Variants in NFKB1 observed in about 807,000 individuals in gnomAD.
NFKB1 encodes the protein nuclear factor NF-kappa-B p105 subunit.
A neutral mutation model predicts 105.1 loss-of-function variants in NFKB1; 9 were observed. The observed-to-expected ratio is 0.09, with a 90% CI of 0.05 to 0.15. The LOEUF (loss-of-function observed/expected upper bound fraction) is 0.15. NFKB1 is among the 10% of genes least tolerant of loss of function. The pLI, the probability that NFKB1 is intolerant of heterozygous loss-of-function variation, is 1.00. For synonymous variants in NFKB1, 440 were observed against 442.2 expected, an observed-to-expected ratio of 1.00 and a Z score of 0.06; for missense variants, 830 against 1,203.7, an observed-to-expected ratio of 0.69 and a Z score of 4.59.
chr4:102,512,660 C>T (rs1428284389), intron 1 of NFKB1, among the ~76,000 whole-genome samples: 7 of 152,108 alleles, frequency 4.6e-5, no homozygotes, highest in Admixed American at 2.0e-4. Context: ...TATGTTAAAG[C>T]GTTTATCTGT....
rs181806515 is a variant in NFKB1, at chr4:102,533,098, C to A, written c.119-747C>A. 2.6e-5 allele frequency among the ~76,000 whole-genome samples: 4 copies of A among 152,164 alleles called. No individual in the cohort carries two copies. The East Asian group carries it at 5.8e-4, about 22-fold the overall frequency. On this transcript the variant is annotated intron_variant, in intron 3 of 23. Transcript: ENST00000226574. ...TTATTTTCAGTATTTTATAAAATGC[C>A]TGAGATGTTTTAGAACACAGTTTAT... is the stretch of plus-strand genomic sequence containing the variant.
intron 4 of NFKB1, among the ~76,000 whole-genome samples, chr4:102,536,460 C>T (rs1437492880): frequency 6.6e-6 from 1 of 152,146 alleles, no homozygotes; most frequent in East Asian, 1.9e-4. Flanking sequence ...TGTTTGAGGA[C>T]TGATCTTTGG....
At chr4:102,571,013 C>G (rs1005858851) in intron 6 of NFKB1, among the ~76,000 whole-genome samples, 20 of 152,146 alleles carry the variant, frequency 1.3e-4, no homozygotes, top group Admixed American at 1.2e-3. Context: ...CAAAAAAGAG[C>G]CTGCATTGCC....
rs961000754 is a variant in NFKB1, at chr4:102,607,503, A to G, written c.2125-146A>G. On this transcript the variant is annotated intron_variant, in intron 18 of 23. Transcript: ENST00000226574. ...CCCAACCCCCTTGCTTGGCATCTCT[A>G]ACTGGGGATTTCTTCAATGACAGAG... The G allele has an allele frequency of 5.5e-6, 6 of 1,099,214 alleles. No individual in the cohort carries two copies. In the African/African-American group the frequency reaches 9.3e-5, roughly 17 times the overall value. The allele number at this position is 1,099,214 out of a possible 1,614,324, so 68.1% of individuals were successfully genotyped here.
intron 13 of NFKB1, 73 bp from the exon 14 acceptor site, chr4:102,596,065 C>T: frequency 6.0e-6 from 6 of 1,000,640 alleles, no homozygotes; most frequent in South Asian, 5.1e-5. Context: ...TTTATCTGAC[C>T]TACATTGGAA....
At position 102,606,938 on chromosome 4, in the gene NFKB1, A is replaced by G. The variant is rs1212113696; in HGVS notation, c.1955-212A>G. Among the ~76,000 whole-genome samples the G allele has an allele frequency of 4.6e-5, 7 of 152,242 alleles. No homozygotes were observed. The East Asian group carries it at 1.3e-3, about 29-fold the overall frequency. Reference sequence around the variant, plus strand: ...AGTAAAGATTCATCTTGAAGTACACAAAGCGTCGTTTATTCAGAGAATGTT... The same window carrying G: ...AGTAAAGATTCATCTTGAAGTACACGAAGCGTCGTTTATTCAGAGAATGTT... On this transcript the variant is annotated intron_variant, in intron 17 of 23. Coordinates refer to ENST00000226574, the MANE Select transcript of NFKB1 (RefSeq NM_003998.4).
At chr4:102,597,448 G>T in intron 14 of NFKB1, 72 bp from the exon 15 acceptor site, 2 of 1,470,840 alleles carry the variant, frequency 1.4e-6, no homozygotes, top group Non-Finnish European at 1.8e-6. Flanking sequence ...TGGTCAGTTT[G>T]TCCTTAAGCA....
In NFKB1 at chr4:102,557,367, A is replaced by T. The variant is rs76781659; in HGVS notation, c.259-9620A>T. 8.9e-3 allele frequency among the ~76,000 whole-genome samples: 1,356 copies of T among 152,176 alleles called. 14 individuals carry two copies. The highest frequency in any genetic ancestry group is 0.03 in the African/African-American group (1,251 of 41,508). ...AGAAAGCAAGTAAAAAAGTTAAGTAACTCTCCCAGAGTCCCCCAGATGGTC... is the reference window on the plus strand; with the variant it reads ...AGAAAGCAAGTAAAAAAGTTAAGTATCTCTCCCAGAGTCCCCCAGATGGTC... On this transcript the variant is annotated intron_variant, in intron 5 of 23. Transcript: ENST00000226574.
chr4:102,612,847 C>G lies in NFKB1; in HGVS notation c.2592+241C>G, dbSNP rs970162417. Reference sequence around the variant, plus strand: ...CTGGAGACTTCCTGTGAAAATGCTACGTAGAGGGTCAGGATTTTCACAGAA... The same window carrying G: ...CTGGAGACTTCCTGTGAAAATGCTAGGTAGAGGGTCAGGATTTTCACAGAA... On this transcript the variant is annotated intron_variant, in intron 22 of 23. Coordinates refer to ENST00000226574, the MANE Select transcript of NFKB1 (RefSeq NM_003998.4). 7.2e-5 allele frequency among the ~76,000 whole-genome samples: 11 copies of G among 152,172 alleles called. No individual in the cohort carries two copies. The South Asian group carries it at 2.3e-3, about 32-fold the overall frequency.
chr4:102,568,040 G>T (rs942592327), intron 6 of NFKB1, among the ~76,000 whole-genome samples: 1 of 152,086 alleles, frequency 6.6e-6, no homozygotes, highest in Non-Finnish European at 1.5e-5. Context: ...AATAGTTTAT[G>T]CTGAAATCCC....
In NFKB1 at chr4:102,580,452, C is replaced by CTAAG. The variant is rs999483765; in HGVS notation, c.731-82_731-79dup. Reference sequence around the variant, plus strand: ...TTAAGCTTTGTTTTGGTCATGTGTGCTAAGGGGAGGGTCCTACCTAAAGGA... The same window carrying CTAAG: ...TTAAGCTTTGTTTTGGTCATGTGTGCTAAGTAAGGGGAGGGTCCTACCTAAAGGA... On this transcript the variant is annotated intron_variant, in intron 8 of 23. Transcript: ENST00000226574. The CTAAG allele has an allele frequency of 2.9e-5, 31 of 1,071,682 alleles. No homozygotes were observed. The African/African-American group carries it at 4.9e-4, about 17-fold the overall frequency. 66.4% of individuals were successfully genotyped at this position (1,071,682 alleles called of 1,614,324 possible). A position where few individuals can be genotyped will look rare whatever the true frequency, so the allele number is the denominator to read the frequency against.
chr4:102,610,442 T>G, intron 19 of NFKB1, 133 bp from the exon 20 acceptor site: 1 of 850,250 alleles, frequency 1.2e-6, no homozygotes, highest in Non-Finnish European at 1.8e-6. Flanking sequence ...AGAAATGTTT[T>G]ATGATTTAAA....
At chr4:102,526,924 G>A (rs973424270) in intron 2 of NFKB1, among the ~76,000 whole-genome samples, 13 of 67,206 alleles carry the variant, frequency 1.9e-4, no homozygotes, top group East Asian at 5.0e-4. Context: ...TCTCTTTTTC[G>A]TGTGTGTGTG....
chr4:102,581,352 C>T (rs1001409201), intron 9 of NFKB1, among the ~76,000 whole-genome samples: 4 of 151,776 alleles, frequency 2.6e-5, no homozygotes, highest in Admixed American at 2.6e-4. Flanking sequence ...AGATACCTAA[C>T]TGAAAATATA....
intron 1 of NFKB1, among the ~76,000 whole-genome samples, chr4:102,519,978 G>T (rs1255283937): frequency 6.6e-6 from 1 of 152,090 alleles, no homozygotes; most frequent in Non-Finnish European, 1.5e-5. Flanking sequence ...TGTTCATTAG[G>T]GTTTCTCATG....
rs535650319 is a variant in NFKB1 at position 102,516,330 on chromosome 4, A to T, written c.-7-9182A>T. Among the ~76,000 whole-genome samples, 11 of 149,796 alleles carry T rather than the reference A, an allele frequency of 7.3e-5. No homozygotes were observed. In the South Asian group the frequency reaches 2.3e-3, roughly 31 times the overall value. ...AAATTTATAAAAATTCTCAACTGTT[A>T]TTTTTTTGAATATTTTTTCTGTCTT... On this transcript the variant is annotated intron_variant, in intron 1 of 23. Coordinates refer to ENST00000226574, the MANE Select transcript of NFKB1 (RefSeq NM_003998.4).
At chr4:102,586,610 C>T (rs1725731985) in intron 11 of NFKB1, among the ~76,000 whole-genome samples, 1 of 152,202 alleles carries the variant, frequency 6.6e-6, no homozygotes, top group African/African-American at 2.4e-5. Flanking sequence ...ACTTTGATAT[C>T]ATCAGCTTCT....
intron 5 of NFKB1, among the ~76,000 whole-genome samples, chr4:102,546,242 T>G (rs904760004): frequency 6.6e-6 from 1 of 152,132 alleles, no homozygotes; most frequent in Admixed American, 6.6e-5. Flanking sequence ...TAAAGAAGAT[T>G]GGTTAACACC....
chr4:102,564,358 C>T (rs1363083980), intron 5 of NFKB1, among the ~76,000 whole-genome samples: 1 of 152,206 alleles, frequency 6.6e-6, no homozygotes, highest in Non-Finnish European at 1.5e-5. Flanking sequence ...TGTTAGAGTG[C>T]CAGTGTCTTC....
Sources: allele counts gnomAD v4.1 joint callset (sites outside exome capture counted in the v4.1 genomes callset), GRCh38; gene constraint gnomAD v4.1.1; transcripts MANE v1.5; gene names NCBI Gene and HGNC (gene_info 2026-07-23, HGNC 2026-07-21).